The following CD180 variants were observed in gnomAD, a reference collection of about 807,000 sequenced individuals.
The protein encoded by CD180 is CD180 antigen.
A neutral mutation model predicts 10.7 loss-of-function variants in CD180; 11 were observed. The observed-to-expected ratio is 1.03, with a 90% CI of 0.65 to 1.70. The LOEUF is 1.70. Among genes scored for constraint, CD180 ranks in the 40% most tolerant of loss-of-function variants. The pLI is 0.00. For synonymous variants in CD180, 286 were observed against 294.6 expected, an observed-to-expected ratio of 0.97 and a Z score of 0.30; for missense variants, 729 against 775.2, an observed-to-expected ratio of 0.94 and a Z score of 0.71.
chr5:67,185,960 T>C lies in CD180; in HGVS notation c.148A>G (p.Thr50Ala). The C allele has an allele frequency of 1.2e-6, 2 of 1,609,160 alleles. No individual in the cohort carries two copies. The highest frequency in any genetic ancestry group is 1.7e-6 in the Non-Finnish European group (2 of 1,177,814). Residue 50 changes from threonine to alanine, a missense_variant, in exon 2 of 3, where the codon ACT becomes GCT. Thr to Ala is a moderately conservative substitution (Grantham distance 58). Transcript: ENST00000256447. The part of the protein sequence containing the change: ...ENLGLSEIPD[T>A]LPNTTEFLEF... Reference sequence around the variant, plus strand: ...AAAAATTCTGTTGTGTTTGGTAGAGTGTCAGGGATTTCACTGAGACCTAAA... The same window carrying C: ...AAAAATTCTGTTGTGTTTGGTAGAGCGTCAGGGATTTCACTGAGACCTAAA...
intron 1 of CD180, among the ~76,000 whole-genome samples, chr5:67,195,567 C>A (rs926269617): frequency 1.3e-5 from 2 of 152,232 alleles, no homozygotes; most frequent in African/African-American, 4.8e-5. Context: ...ACACACCTTC[C>A]CAGCCTTCAT....
intron 1 of CD180, among the ~76,000 whole-genome samples, chr5:67,189,121 C>T (rs184232568): frequency 1.3e-5 from 2 of 152,312 alleles, no homozygotes; most frequent in South Asian, 2.1e-4. Context: ...ATGTCACATA[C>T]GGTTGGAGAA....
chr5:67,183,112 G>T lies in CD180; in HGVS notation c.1731C>A (p.Asn577Lys), dbSNP rs374556833. 10 of 1,610,758 alleles carry T rather than the reference G, an allele frequency of 6.2e-6. No individual in the cohort carries two copies. Among genetic ancestry groups the T allele is most frequent in the Non-Finnish European group, 8.5e-6 (10 of 1,177,794 alleles). ...TATTCGAGCAAGTGCAGTCCAGGGG[G>T]TTATGACTTAAATTAATGGTGCTCT... ...SQQSTINLSHNPLDCTCSNIH... is the reference protein window; with the variant it reads ...SQQSTINLSHKPLDCTCSNIH... Residue 577 changes from asparagine (N) to lysine (K), a missense_variant, in exon 3 of 3, where the codon AAC (asparagine) becomes AAA (lysine). Asn to Lys is a moderately conservative substitution (Grantham distance 94, BLOSUM62 0). Coordinates refer to ENST00000256447, the MANE Select transcript of CD180 (RefSeq NM_005582.3).
At chr5:67,196,447 A>T in intron 1 of CD180, 105 bp downstream of exon 1, 1 of 1,042,068 alleles carries the variant, frequency 9.6e-7, no homozygotes, top group Non-Finnish European at 1.4e-6. Context: ...TTTCCTTTTT[A>T]AAGACACTAG....
chr5:67,186,352 G>A (rs1742193994), intron 1 of CD180: 1 of 166,042 alleles, frequency 6.0e-6, no homozygotes, highest in South Asian at 1.8e-4. Context: ...ATTTCAAGGT[G>A]AAAAAAGCAA....
chr5:67,191,913 AAAAC>A lies in CD180; in HGVS notation c.90+4635_90+4638del, dbSNP rs1742313060. On this transcript the variant is annotated intron_variant, in intron 1 of 2. Transcript: ENST00000256447. ...AATCTTGACTCCTACTTGTATGTAAAAAACAAAAACAATTTTGATCCATCTAAAT... is the reference window on the plus strand; with the variant it reads ...AATCTTGACTCCTACTTGTATGTAAAAAAAACAATTTTGATCCATCTAAAT... Among the ~76,000 whole-genome samples the A allele has an allele frequency of 5.9e-5, 9 of 152,334 alleles. No homozygotes were observed. The South Asian group carries it at 1.9e-3, about 32-fold the overall frequency.
At position 67,182,003 on chromosome 5, in the gene CD180, G is replaced by C. The variant is rs986928666; in HGVS notation, c.*854C>G. 1 of 152,182 alleles carries C rather than the reference G, an allele frequency of 6.6e-6. No homozygotes were observed. Among genetic ancestry groups the C allele is most frequent in the Non-Finnish European group, 1.5e-5 (1 of 68,048 alleles). 9.4% of individuals were successfully genotyped at this position (152,182 alleles called of 1,614,324 possible). Reference sequence around the variant, plus strand: ...CACGATTTATTTCACAGTTCTTCTGGAAAAGAGACTTCTAAGAACCGGATG... The same window carrying C: ...CACGATTTATTTCACAGTTCTTCTGCAAAAGAGACTTCTAAGAACCGGATG... On this transcript the variant is annotated 3_prime_UTR_variant, in exon 3 of 3. Transcript: ENST00000256447.
rs969263395 is a variant in CD180 at position 67,181,619 on chromosome 5, C to T, written c.*1238G>A. On this transcript the variant is annotated 3_prime_UTR_variant, in exon 3 of 3. Coordinates refer to ENST00000256447, the MANE Select transcript of CD180 (RefSeq NM_005582.3). ...TATAAGTTACCATCTCTATCTCTAC[C>T]CTAAAATTGGTTATTGAACAGAACA... The T allele has an allele frequency of 2.6e-5, 4 of 152,124 alleles. No individual in the cohort carries two copies. Among genetic ancestry groups the T allele is most frequent in the African/African-American group, 7.2e-5 (3 of 41,426 alleles). 9.4% of individuals were successfully genotyped at this position (152,124 alleles called of 1,614,324 possible).
Position 67,192,412 on chromosome 5 carries a change from A to G in CD180, c.90+4140T>C, listed in dbSNP as rs531565948. ...AAAAGAAAAAAAGAAAGAAAGAAAG[A>G]AAAAAGAAACAGTACTGCGTAATTT... is the stretch of plus-strand genomic sequence containing the variant. On this transcript the variant is annotated intron_variant, in intron 1 of 2. Transcript: ENST00000256447. Among the ~76,000 whole-genome samples the G allele has an allele frequency of 5.5e-3, 843 of 152,198 alleles. 7 individuals are homozygous for G. Among genetic ancestry groups the G allele is most frequent in the African/African-American group, 0.019 (806 of 41,522 alleles).
At chr5:67,185,788 A>T in intron 2 of CD180, 63 bp downstream of exon 2, 1 of 1,287,110 alleles carries the variant, frequency 7.8e-7, no homozygotes, top group Non-Finnish European at 1.0e-6. Context: ...CAAATAAATT[A>T]AGCACATACT....
In CD180 at chr5:67,184,525, A is replaced by G. The variant is rs763507463; in HGVS notation, c.318T>C (p.Leu106=). The change falls in exon 3 of 3, where the codon CTT becomes CTC. Residue 106 remains leucine, a synonymous_variant. Coordinates refer to ENST00000256447, the MANE Select transcript of CD180 (RefSeq NM_005582.3). ...TFQSHHQLST[L]VLTGNPLIFM... is the part of the protein sequence containing the mutation. ...ATATCAGGGGATTTCCAGTTAACACAAGTGTGCTTAATTGATGATGGCTTT... is the reference window on the plus strand; with the variant it reads ...ATATCAGGGGATTTCCAGTTAACACGAGTGTGCTTAATTGATGATGGCTTT... 1 of 1,612,404 alleles carries G rather than the reference A, an allele frequency of 6.2e-7. No individual in the cohort carries two copies. Among genetic ancestry groups the G allele is most frequent in the Admixed American group, 1.7e-5 (1 of 60,000 alleles).
chr5:67,183,315 AGAG>A lies in CD180; in HGVS notation c.1525_1527del (p.Leu509del). The stretch of plus-strand genomic sequence containing the variant: ...CTGTGGAATGCTTGCTGGTCTATAG[AGAG>A]GAGACCACAAGAGGACAAAATCAGA... On this transcript the variant is annotated inframe_deletion, in exon 3 of 3. Transcript: ENST00000256447. 1.9e-6 allele frequency: 3 copies of A among 1,614,116 alleles called. No homozygotes were observed. Among genetic ancestry groups the A allele is most frequent in the Non-Finnish European group, 2.5e-6 (3 of 1,180,012 alleles).
rs1298441748 is a variant in CD180, at chr5:67,196,668, T to G, written c.-27A>C. 1 of 1,613,696 alleles carries G rather than the reference T, an allele frequency of 6.2e-7. No individual in the cohort carries two copies. The highest frequency in any genetic ancestry group is 2.2e-5 in the East Asian group (1 of 44,870). ...ACAGGCTAGGATTGCTTGGTGGGTT[T>G]ACCTAATGCTTGGAGCTGAGAAATG... On this transcript the variant is annotated 5_prime_UTR_variant, in exon 1 of 3. Transcript: ENST00000256447.
At chr5:67,193,795 G>C (rs1252139390) in intron 1 of CD180, among the ~76,000 whole-genome samples, 2 of 152,228 alleles carry the variant, frequency 1.3e-5, no homozygotes, top group Non-Finnish European at 2.9e-5. Flanking sequence ...GGCAGCCAAA[G>C]GACTAGGGGG....
intron 1 of CD180, chr5:67,191,037 T>TC (rs1742294919): frequency 7.1e-6 from 7 of 985,206 alleles, no homozygotes; most frequent in Non-Finnish European, 7.2e-6. Context: ...TAAGCATGCC[T>TC]CCATCCAAGA....
In CD180 at chr5:67,183,307, G is replaced by T; in HGVS notation, c.1536C>A (p.Asp512Glu). 2 of 1,614,136 alleles carry T rather than the reference G, an allele frequency of 1.2e-6. No individual in the cohort carries two copies. The highest frequency in any genetic ancestry group is 2.2e-5 in the East Asian group (1 of 44,880). ...TTCCCAAGCTGTGGAATGCTTGCTG[G>T]TCTATAGAGAGGAGACCACAAGAGG... ...ILSSCGLLSI[D>E]QQAFHSLGKM... Residue 512 changes from aspartate to glutamate, a missense_variant, in exon 3 of 3, where the codon GAC (aspartate) becomes GAA (glutamate). Coordinates refer to ENST00000256447, the MANE Select transcript of CD180 (RefSeq NM_005582.3).
Position 67,181,381 on chromosome 5 carries a change from T to C in CD180, c.*1476A>G, listed in dbSNP as rs903527951. ...TCTTAGAGGCAAAGGAAAGAGCAAG[T>C]GTGAAGGCCTGAAATCCCTGAGCAG... On this transcript the variant is annotated 3_prime_UTR_variant, in exon 3 of 3. Transcript: ENST00000256447. 1.3e-5 allele frequency: 2 copies of C among 152,166 alleles called. No homozygotes were observed. Among genetic ancestry groups the C allele is most frequent in the African/African-American group, 4.8e-5 (2 of 41,432 alleles). 9.4% of individuals were successfully genotyped at this position (152,166 alleles called of 1,614,324 possible). A position where few individuals can be genotyped will look rare whatever the true frequency, so the allele number is the denominator to read the frequency against.
Position 67,184,572 on chromosome 5 carries a change from A to C in CD180, c.271T>G (p.Trp91Gly). The change falls in exon 3 of 3, where the codon TGG becomes GGG. Residue 91 changes from tryptophan (W) to glycine (G), a missense_variant. Physicochemically the swap from Trp to Gly is radical, Grantham distance 184. Transcript: ENST00000256447. ...FLDLTRCQIN[W>G]IHEDTFQSHH... ...CTTTGAAAAGTGTCTTCATGTATCC[A>C]GTTAATCTGGCACCTTGAAAAGATA... is the stretch of plus-strand genomic sequence containing the variant. The C allele has an allele frequency of 6.3e-7, 1 of 1,590,166 alleles. No homozygotes were observed. Among genetic ancestry groups the C allele is most frequent in the Non-Finnish European group, 8.6e-7 (1 of 1,161,784 alleles).
At chr5:67,193,036 A>G (rs1235914647) in intron 1 of CD180, among the ~76,000 whole-genome samples, 1 of 152,202 alleles carries the variant, frequency 6.6e-6, no homozygotes, top group African/African-American at 2.4e-5. Context: ...TGGGAAGCTG[A>G]GTGGGAAAAT....
Sources: allele counts gnomAD v4.1 joint callset (sites outside exome capture counted in the v4.1 genomes callset), GRCh38; gene constraint gnomAD v4.1.1; transcripts MANE v1.5; gene names NCBI Gene and HGNC (gene_info 2026-07-23, HGNC 2026-07-21).